The following ADGRG4 variants were observed in gnomAD, a reference collection of about 807,000 sequenced individuals.
ADGRG4 encodes the protein adhesion G protein-coupled receptor G4.
In ADGRG4, 122 loss-of-function variants were observed where a neutral mutation model predicts 126.2. The observed-to-expected ratio is 0.97, with a 90% CI of 0.83 to 1.12. ADGRG4 has a LOEUF of 1.12. Ranked by LOEUF, ADGRG4 falls within the 50% of genes most tolerant of loss-of-function variation. ADGRG4 has a pLI of 0.00. For synonymous variants in ADGRG4, 943 were observed against 838.7 expected, an observed-to-expected ratio of 1.12 and a Z score of -2.15; for missense variants, 2,481 against 2,251.8, an observed-to-expected ratio of 1.10 and a Z score of -2.06.
intron 7 of ADGRG4, among the ~76,000 whole-genome samples, chrX:136,352,993 T>G (rs1156842805): frequency 8.9e-6 from 1 of 111,856 alleles, no homozygotes; most frequent in African/African-American, 3.3e-5. Flanking sequence ...CTTTCCTCTG[T>G]GCATACGCAT....
intron 5 of ADGRG4, among the ~76,000 whole-genome samples, chrX:136,342,921 T>TGTGAGAGA (rs1251871214): frequency 0.03 from 2,556 of 84,214 alleles, 47 homozygotes; most frequent in Non-Finnish European, 0.042. Context: ...TGTGTGTGTG[T>TGTGAGAGA]GAGAGAGAGA....
intron 13 of ADGRG4, among the ~76,000 whole-genome samples, chrX:136,368,756 T>C (rs2075174588): frequency 8.9e-6 from 1 of 112,612 alleles, no homozygotes; most frequent in Admixed American, 9.4e-5. Flanking sequence ...ATTAGTAAAA[T>C]GTAGCAAAAT....
At chrX:136,365,495 A>G (rs937221103) in intron 13 of ADGRG4, among the ~76,000 whole-genome samples, 2 of 111,717 alleles carry the variant, frequency 1.8e-5, no homozygotes, top group African/African-American at 6.5e-5. Context: ...TTTCTTTTCC[A>G]TCTTTTGGTT....
intron 13 of ADGRG4, among the ~76,000 whole-genome samples, chrX:136,365,481 G>T (rs1386011976): frequency 8.9e-6 from 1 of 111,831 alleles, no homozygotes; most frequent in Non-Finnish European, 1.9e-5. Flanking sequence ...TCATTTGACA[G>T]ATATTTCTTT....
intron 15 of ADGRG4, among the ~76,000 whole-genome samples, chrX:136,377,562 T>G (rs2075235302): frequency 8.9e-6 from 1 of 112,008 alleles, no homozygotes; most frequent in Admixed American, 9.5e-5. Context: ...ATATATGACT[T>G]GTCTATGATA....
chrX:136,310,802 T>C (rs1345804636), intron 4 of ADGRG4, among the ~76,000 whole-genome samples: 1 of 111,439 alleles, frequency 9.0e-6, no homozygotes, highest in African/African-American at 3.3e-5. Flanking sequence ...GGTCAAGAGC[T>C]GAATAGTTGC....
chrX:136,387,777 C>A lies in ADGRG4; in HGVS notation c.7814C>A (p.Ala2605Asp). Reference sequence around the variant, plus strand: ...AATGTCCCTGTGGGAGGGATTTTGGCTTCCATATATTTGCCTAAATCACTG... The same window carrying A: ...AATGTCCCTGTGGGAGGGATTTTGGATTCCATATATTTGCCTAAATCACTG... ...LGNVPVGGIL[A>D]SIYLPKSLTE... The change falls in exon 16 of 26, where the codon GCT (alanine) becomes GAT (aspartate). Residue 2605 changes from alanine to aspartate, a missense_variant. By Grantham distance (126) the Ala-to-Asp change is moderately radical. Coordinates refer to ENST00000394143, the MANE Select transcript of ADGRG4 (RefSeq NM_153834.4). 1 of 1,207,750 alleles carries A rather than the reference C, an allele frequency of 8.3e-7. No individual in the cohort carries two copies. The highest frequency in any genetic ancestry group is 1.1e-6 in the Non-Finnish European group (1 of 892,542).
intron 16 of ADGRG4, among the ~76,000 whole-genome samples, chrX:136,390,377 C>T (rs1012097752): frequency 9.0e-6 from 1 of 111,268 alleles, no homozygotes; most frequent in African/African-American, 3.3e-5. Flanking sequence ...TAAGGCACCA[C>T]TCTTGGATAA....
At chrX:136,376,856 G>A (rs748509817) in intron 15 of ADGRG4, among the ~76,000 whole-genome samples, 2 of 111,038 alleles carry the variant, frequency 1.8e-5, no homozygotes, top group African/African-American at 3.3e-5. Flanking sequence ...TGAATGAGTC[G>A]TTATGGTTTT....
intron 15 of ADGRG4, among the ~76,000 whole-genome samples, chrX:136,385,628 T>C (rs2075289014): frequency 8.9e-6 from 1 of 112,178 alleles, no homozygotes; most frequent in Non-Finnish European, 1.9e-5. Flanking sequence ...CTTTTAAAAA[T>C]GGGTCACATT....
At chrX:136,321,102 A>T (rs1184725987) in intron 4 of ADGRG4, among the ~76,000 whole-genome samples, 1 of 112,060 alleles carries the variant, frequency 8.9e-6, no homozygotes, top group Non-Finnish European at 1.9e-5. Flanking sequence ...AAAGGCAGTT[A>T]ACCAACAATA....
At chrX:136,335,546 G>T (rs2074943637) in intron 5 of ADGRG4, among the ~76,000 whole-genome samples, 1 of 111,119 alleles carries the variant, frequency 9.0e-6, no homozygotes, top group African/African-American at 3.3e-5. Flanking sequence ...TTCTTTAATA[G>T]CTATAGGGCT....
At chrX:136,403,206 A>G (rs1463146529) in intron 21 of ADGRG4, 38 bp from the exon 22 acceptor site, 1 of 1,104,513 alleles carries the variant, frequency 9.1e-7, no homozygotes, top group Non-Finnish European at 1.3e-6. Flanking sequence ...CCTCCCTGCT[A>G]CCTGATGAAA....
At chrX:136,380,332 T>G (rs1449085322) in intron 15 of ADGRG4, among the ~76,000 whole-genome samples, 3 of 111,538 alleles carry the variant, frequency 2.7e-5, no homozygotes, top group Non-Finnish European at 5.7e-5. Flanking sequence ...TGGTAATTTC[T>G]TTTTTTGCTC....
chrX:136,331,775 T>C (rs2074911606), intron 5 of ADGRG4, among the ~76,000 whole-genome samples: 1 of 111,088 alleles, frequency 9.0e-6, no homozygotes, highest in Non-Finnish European at 1.9e-5. Flanking sequence ...GGGTTGTTTG[T>C]TCATTTTATT....
chrX:136,324,888 T>G (rs1224556952), intron 5 of ADGRG4, among the ~76,000 whole-genome samples: 4 of 112,246 alleles, frequency 3.6e-5, no homozygotes, highest in Non-Finnish European at 7.5e-5. Flanking sequence ...CAATTCATTT[T>G]TTCTTCTGAG....
intron 21 of ADGRG4, among the ~76,000 whole-genome samples, chrX:136,400,534 A>G (rs773969777): frequency 8.9e-6 from 1 of 112,378 alleles, no homozygotes; most frequent in Non-Finnish European, 1.9e-5. Flanking sequence ...CATTATTCCC[A>G]TTTAATAGAT....
At chrX:136,372,808 C>A in intron 14 of ADGRG4, 94 bp from the exon 15 acceptor site, 1 of 871,315 alleles carries the variant, frequency 1.1e-6, no homozygotes, top group Non-Finnish European at 1.7e-6. Flanking sequence ...GATTAAAACT[C>A]AAAGAAAAGT....
At chrX:136,374,907 T>G (rs1348596315) in intron 15 of ADGRG4, among the ~76,000 whole-genome samples, 3 of 111,466 alleles carry the variant, frequency 2.7e-5, no homozygotes. Flanking sequence ...CAATAGTTTT[T>G]GGGATACATG....
Sources: allele counts gnomAD v4.1 joint callset (sites outside exome capture counted in the v4.1 genomes callset), GRCh38; gene constraint gnomAD v4.1.1; transcripts MANE v1.5; gene names NCBI Gene and HGNC (gene_info 2026-07-23, HGNC 2026-07-21).